The following AGBL1 variants were observed in gnomAD, a reference collection of about 807,000 sequenced individuals.
AGBL1 encodes the protein AGBL carboxypeptidase 1, also known as cytosolic carboxypeptidase 4.
AGBL1 carries 130 observed loss-of-function variants against 118.9 expected under a neutral mutation model. That is an observed-to-expected ratio of 1.09 (90% confidence interval 0.95 to 1.26). The LOEUF (loss-of-function observed/expected upper bound fraction) is 1.26, where lower values mean the gene tolerates loss of function less well. Among genes scored for constraint, AGBL1 ranks in the 50% most tolerant of loss-of-function variants. The probability of loss-of-function intolerance (pLI) is 0.00; values close to 1 mark genes in which losing one functional copy is unlikely to be tolerated. For missense variants in AGBL1, 1,584 were observed against 1,298.1 expected (o/e 1.22, Z -3.38); for synonymous variants, 555 against 478.9 (o/e 1.16, Z -2.08).
intron 23 of AGBL1, among the ~76,000 whole-genome samples, chr15:86,937,683 A>C (rs2080693159): frequency 6.6e-6 from 1 of 152,194 alleles, no homozygotes; most frequent in Non-Finnish European, 1.5e-5. Flanking sequence ...GGAGCAGAAA[A>C]GATAACTATT....
chr15:86,550,115 T>C (rs527770254), intron 20 of AGBL1, among the ~76,000 whole-genome samples: 1 of 151,662 alleles, frequency 6.6e-6, no homozygotes, highest in African/African-American at 2.4e-5. Context: ...TAGGATAGCA[T>C]AAAGCATATC....
At chr15:87,007,126 C>T (rs1189550105) in intron 24 of AGBL1, among the ~76,000 whole-genome samples, 4 of 152,048 alleles carry the variant, frequency 2.6e-5, no homozygotes, top group African/African-American at 9.7e-5. Flanking sequence ...AGAAATTATG[C>T]CTTTTTAACA....
intron 22 of AGBL1, among the ~76,000 whole-genome samples, chr15:86,760,943 G>A (rs1286292506): frequency 2.6e-5 from 4 of 152,070 alleles, no homozygotes; most frequent in African/African-American, 7.2e-5. Context: ...AAATGCATTG[G>A]TAAGCACCCT....
At chr15:86,558,988 TAAA>T in intron 21 of AGBL1, among the ~76,000 whole-genome samples, 1 of 152,324 alleles carries the variant, frequency 6.6e-6, no homozygotes, top group Non-Finnish European at 1.5e-5. Flanking sequence ...ATGTTCTCTC[TAAA>T]GGCAACTGTT....
At chr15:86,295,664 A>G in intron 17 of AGBL1, 1 of 303,594 alleles carries the variant, frequency 3.3e-6, no homozygotes, top group Non-Finnish European at 6.1e-6. Context: ...AATGATGGTC[A>G]CTTCCTCTCT....
At chr15:86,116,053 A>C (rs1897735257) in intron 1 of AGBL1, among the ~76,000 whole-genome samples, 1 of 152,184 alleles carries the variant, frequency 6.6e-6, no homozygotes, top group Non-Finnish European at 1.5e-5. Flanking sequence ...AACAATAATA[A>C]AATTGACTGT....
chr15:86,639,447 T>G (rs973729678), intron 21 of AGBL1, among the ~76,000 whole-genome samples: 1 of 152,212 alleles, frequency 6.6e-6, no homozygotes, highest in Admixed American at 6.5e-5. Flanking sequence ...AGAAAGAGTC[T>G]GGTGGCTAAA....
chr15:86,080,682 C>T (rs1438636279), intron 1 of AGBL1, among the ~76,000 whole-genome samples: 2 of 152,086 alleles, frequency 1.3e-5, no homozygotes, highest in Non-Finnish European at 2.9e-5. Context: ...TGGAGAGGGT[C>T]AAAAAATACT....
chr15:86,423,625 T>C (rs1482065272), intron 18 of AGBL1, among the ~76,000 whole-genome samples: 1 of 152,196 alleles, frequency 6.6e-6, no homozygotes, highest in Non-Finnish European at 1.5e-5. Flanking sequence ...CATGATTGTA[T>C]ATATAGAAAA....
chr15:86,610,278 A>G (rs959030552), intron 21 of AGBL1, among the ~76,000 whole-genome samples: 2 of 137,424 alleles, frequency 1.5e-5, no homozygotes, highest in Non-Finnish European at 3.4e-5. Flanking sequence ...CAAACCTCCA[A>G]CACAGCAGAC....
chr15:86,253,566 A>C (rs551384409), intron 7 of AGBL1, among the ~76,000 whole-genome samples: 5 of 152,254 alleles, frequency 3.3e-5, no homozygotes, highest in African/African-American at 1.2e-4. Flanking sequence ...ACTTGTAAGG[A>C]GGCACGAAGG....
chr15:86,987,141 G>A (rs552053473), intron 23 of AGBL1, among the ~76,000 whole-genome samples: 1 of 152,224 alleles, frequency 6.6e-6, no homozygotes, highest in African/African-American at 2.4e-5. Flanking sequence ...GTGAAGGCAG[G>A]AACAGACCAT....
intron 22 of AGBL1, among the ~76,000 whole-genome samples, chr15:86,804,423 A>G (rs900572216): frequency 2.0e-5 from 3 of 152,120 alleles, no homozygotes; most frequent in African/African-American, 7.2e-5. Flanking sequence ...AATTCACCAT[A>G]TTTTCTCCTT....
chr15:86,891,497 C>T (rs1596598853), intron 22 of AGBL1, among the ~76,000 whole-genome samples: 2 of 151,710 alleles, frequency 1.3e-5, no homozygotes, highest in South Asian at 2.1e-4. Flanking sequence ...TTAGCCATAC[C>T]TGATTACACT....
At chr15:86,843,233 A>G (rs1452747209) in intron 22 of AGBL1, among the ~76,000 whole-genome samples, 5 of 152,186 alleles carry the variant, frequency 3.3e-5, no homozygotes, top group Admixed American at 2.6e-4. Context: ...ACATTGGATC[A>G]GCAAGACTTC....
chr15:86,682,197 C>T (rs938542939), intron 22 of AGBL1, among the ~76,000 whole-genome samples: 18 of 152,044 alleles, frequency 1.2e-4, no homozygotes, highest in East Asian at 7.7e-4. Context: ...AATGGAACTC[C>T]GCCTGGGAAT....
chr15:86,143,293 C>A (rs887217785), intron 2 of AGBL1, among the ~76,000 whole-genome samples: 1 of 152,150 alleles, frequency 6.6e-6, no homozygotes, highest in East Asian at 1.9e-4. Context: ...GCCATCATCC[C>A]AATCCTTGTT....
chr15:86,206,407 T>G (rs1358059381), intron 5 of AGBL1, among the ~76,000 whole-genome samples: 1 of 152,220 alleles, frequency 6.6e-6, no homozygotes, highest in African/African-American at 2.4e-5. Context: ...CCAAAATGGT[T>G]GAACTAGTTT....
chr15:86,943,987 C>G (rs573897506), intron 23 of AGBL1, among the ~76,000 whole-genome samples: 1 of 152,214 alleles, frequency 6.6e-6, no homozygotes, highest in East Asian at 1.9e-4. Flanking sequence ...CGAACTTTCT[C>G]TGCCACAGTA....
Sources: allele counts gnomAD v4.1 joint callset (sites outside exome capture counted in the v4.1 genomes callset), GRCh38; gene constraint gnomAD v4.1.1; transcripts MANE v1.5; gene names NCBI Gene and HGNC (gene_info 2026-07-23, HGNC 2026-07-21).